SOX5: variants seen among roughly 807,000 people sequenced by gnomAD.
SOX5 encodes SRY-box transcription factor 5.
SOX5 carries 9 observed loss-of-function variants against 92.0 expected under a neutral mutation model. The ratio of observed to expected loss-of-function variants is 0.10; its 90% CI spans 0.06 to 0.17. The LOEUF (loss-of-function observed/expected upper bound fraction) is 0.17, where lower values mean the gene tolerates loss of function less well. Among genes scored for constraint, SOX5 ranks in the 10% least tolerant of loss-of-function variants. The probability of loss-of-function intolerance (pLI) is 1.00; values close to 1 mark genes in which losing one functional copy is unlikely to be tolerated. For missense variants in SOX5, 642 were observed against 944.5 expected (o/e 0.68, Z 4.20); for synonymous variants, 344 against 336.3 (o/e 1.02, Z -0.25).
In SOX5 at chr12:23,846,091, A is replaced by C; in HGVS notation, c.373T>G (p.Ser125Ala). The change falls in exon 3 of 15, where the codon TCT becomes GCT. Residue 125 changes from serine to alanine, a missense_variant. Physicochemically the swap from Ser to Ala is moderately conservative, Grantham distance 99. Coordinates refer to ENST00000451604, the MANE Select transcript of SOX5 (RefSeq NM_006940.6). ...EGGRQSGESL[S>A]STALGTPERR... is the part of the protein sequence containing the mutation. ...TCAGGAGTTCCCAGGGCTGTACTAG[A>C]CAAGGACTCGCCACTCTGTCGCCCA... The C allele has an allele frequency of 6.2e-7, 1 of 1,614,104 alleles. No individual in the cohort carries two copies. The highest frequency in any genetic ancestry group is 2.2e-5 in the East Asian group (1 of 44,868).
chr12:24,408,048 A>C (rs1238974689), intron 1 of SOX5, among the ~76,000 whole-genome samples: 4 of 152,198 alleles, frequency 2.6e-5, no homozygotes, highest in South Asian at 2.1e-4. Flanking sequence ...CGATGAAGTG[A>C]ATGAGCAGGC....
intron 6 of SOX5, among the ~76,000 whole-genome samples, chr12:23,681,204 T>C (rs2086570339): frequency 6.6e-6 from 1 of 152,024 alleles, no homozygotes; most frequent in Non-Finnish European, 1.5e-5. Context: ...ACAGTATTCA[T>C]TAATTTTAGA....
intron 2 of SOX5, among the ~76,000 whole-genome samples, chr12:24,292,901 C>T (rs1237279544): frequency 6.6e-6 from 1 of 152,144 alleles, no homozygotes; most frequent in Non-Finnish European, 1.5e-5. Flanking sequence ...GAGAGATGAC[C>T]TCTGGCCCTA....
At chr12:24,030,057 G>A (rs943800568) in intron 4 of SOX5, among the ~76,000 whole-genome samples, 1 of 151,884 alleles carries the variant, frequency 6.6e-6, no homozygotes, top group East Asian at 1.9e-4. Flanking sequence ...AGCACAGAGG[G>A]TTAAGTCACA....
chr12:24,560,609 C>G (rs1210715412), intron 1 of SOX5, among the ~76,000 whole-genome samples: 1 of 152,172 alleles, frequency 6.6e-6, no homozygotes, highest in African/African-American at 2.4e-5. Context: ...AGATTCCTTC[C>G]CTATCTGAGC....
intron 1 of SOX5, among the ~76,000 whole-genome samples, chr12:23,908,095 G>T (rs1290325920): frequency 6.6e-6 from 1 of 152,022 alleles, no homozygotes; most frequent in Non-Finnish European, 1.5e-5. Flanking sequence ...TTCTTAGCAT[G>T]GTCTACGTCT....
chr12:24,222,584 T>C (rs1223619964), intron 3 of SOX5, among the ~76,000 whole-genome samples: 1 of 152,126 alleles, frequency 6.6e-6, no homozygotes, highest in African/African-American at 2.4e-5. Context: ...CAAACTACCA[T>C]GTAAAAGCGA....
rs1380906515 is a variant in SOX5 at position 23,846,115 on chromosome 12, C to T, written c.349G>A (p.Gly117Arg). The T allele has an allele frequency of 6.2e-7, 1 of 1,614,028 alleles. No homozygotes were observed. ...GACAAGGACTCGCCACTCTGTCGCC[C>T]ACCTTCTTCTGCCTTCTGAGGTGAG... ...STSPQKAEEGGRQSGESLSST... is the reference protein window; with the variant it reads ...STSPQKAEEGRRQSGESLSST... Residue 117 changes from glycine to arginine, a missense_variant, in exon 3 of 15, where the codon GGG becomes AGG. This residue lies in a region of SOX5 where 29 missense variants were observed against 47.4 expected (regional missense o/e 0.61). Coordinates refer to ENST00000451604, the MANE Select transcript of SOX5 (RefSeq NM_006940.6).
intron 4 of SOX5, among the ~76,000 whole-genome samples, chr12:24,019,033 GCACCA>G (rs1378710309): frequency 2.0e-5 from 3 of 152,060 alleles, no homozygotes; most frequent in Non-Finnish European, 2.9e-5. Context: ...AAGTGCAGTG[GCACCA>G]TCATGGCTCA....
chr12:24,472,965 G>A (rs1454204668), intron 1 of SOX5, among the ~76,000 whole-genome samples: 1 of 151,910 alleles, frequency 6.6e-6, no homozygotes, highest in Non-Finnish European at 1.5e-5. Context: ...AACAATCTAT[G>A]AAATAATAAT....
intron 4 of SOX5, among the ~76,000 whole-genome samples, chr12:24,095,386 T>C (rs1281833406): frequency 6.6e-6 from 1 of 151,864 alleles, no homozygotes; most frequent in African/African-American, 2.4e-5. Flanking sequence ...CCATACAAAG[T>C]TCGGGGAAGT....
chr12:24,523,596 G>T (rs2955485), intron 1 of SOX5, among the ~76,000 whole-genome samples: 116 of 152,320 alleles, frequency 7.6e-4, no homozygotes, highest in Middle Eastern at 3.4e-3. Flanking sequence ...CACATATACA[G>T]TGATCTGATC....
At chr12:24,438,219 G>C (rs980965586) in intron 1 of SOX5, among the ~76,000 whole-genome samples, 1 of 152,122 alleles carries the variant, frequency 6.6e-6, no homozygotes, top group South Asian at 2.1e-4. Flanking sequence ...ACTCATAAGT[G>C]GGAGTTGAAC....
intron 3 of SOX5, among the ~76,000 whole-genome samples, chr12:24,250,024 C>T (rs1939711563): frequency 6.6e-6 from 1 of 152,098 alleles, no homozygotes; most frequent in Non-Finnish European, 1.5e-5. Context: ...CCAAGCACTG[C>T]CATTACATTC....
intron 2 of SOX5, among the ~76,000 whole-genome samples, chr12:24,296,501 T>C (rs573126289): frequency 6.6e-6 from 1 of 152,310 alleles, no homozygotes; most frequent in East Asian, 1.9e-4. Flanking sequence ...CCAGTGCCTC[T>C]TGAGCTTGTT....
chr12:23,844,107 G>A (rs2096548509), intron 3 of SOX5, among the ~76,000 whole-genome samples: 1 of 152,186 alleles, frequency 6.6e-6, no homozygotes, highest in Non-Finnish European at 1.5e-5. Flanking sequence ...GAACACTTAT[G>A]TTGTTAGTCC....
At chr12:24,259,793 G>A (rs143859389) in intron 3 of SOX5, among the ~76,000 whole-genome samples, 23 of 152,202 alleles carry the variant, frequency 1.5e-4, no homozygotes, top group South Asian at 6.2e-4. Context: ...TTCTATAGTC[G>A]GTGGGACGTT....
chr12:24,435,735 T>C (rs971202763), intron 1 of SOX5, among the ~76,000 whole-genome samples: 3 of 151,916 alleles, frequency 2.0e-5, no homozygotes, highest in Admixed American at 6.6e-5. Context: ...CATTTCACTT[T>C]ATTGCACTTC....
chr12:24,098,854 T>C (rs1408856957), intron 4 of SOX5, among the ~76,000 whole-genome samples: 3 of 152,172 alleles, frequency 2.0e-5, no homozygotes, highest in Non-Finnish European at 4.4e-5. Context: ...TGTGTCCATA[T>C]GCTCAGACTG....
Sources: gnomAD v4.1 joint callset for allele counts (sites outside exome capture counted in the v4.1 genomes callset) on GRCh38, gnomAD v4.1.1 for gene constraint, gnomAD v4.1.1 regional missense constraint, MANE v1.5 for transcripts, NCBI Gene and HGNC (gene_info 2026-07-23, HGNC 2026-07-21) for gene names.